The following TMEM132D variants were observed in gnomAD, a reference collection of about 807,000 sequenced individuals.
TMEM132D encodes mature OL transmembrane protein.
In TMEM132D, 21 loss-of-function variants were observed where a neutral mutation model predicts 62.3. That is an observed-to-expected ratio of 0.34 (90% CI 0.24 to 0.49). The LOEUF (loss-of-function observed/expected upper bound fraction) is 0.49. Ranked by LOEUF, TMEM132D falls within the 20% of genes least tolerant of loss-of-function variation. The pLI is 0.99. For synonymous variants in TMEM132D, 621 were observed against 575.6 expected, an observed-to-expected ratio of 1.08 and a Z score of -1.13; for missense variants, 1,346 against 1,402.8, an observed-to-expected ratio of 0.96 and a Z score of 0.65.
chr12:129,482,527 A>G (rs1874458816), intron 3 of TMEM132D, among the ~76,000 whole-genome samples: 2 of 152,244 alleles, frequency 1.3e-5, no homozygotes, highest in African/African-American at 4.8e-5. Flanking sequence ...GGTTGTTGAC[A>G]CCATATTAGG....
intron 2 of TMEM132D, among the ~76,000 whole-genome samples, chr12:129,554,968 C>T (rs539680104): frequency 6.6e-6 from 1 of 152,270 alleles, no homozygotes; most frequent in South Asian, 2.1e-4. Flanking sequence ...CTCTTCTAGC[C>T]CTACTGTGGC....
At chr12:129,601,961 A>G (rs1390463441) in intron 2 of TMEM132D, among the ~76,000 whole-genome samples, 1 of 152,226 alleles carries the variant, frequency 6.6e-6, no homozygotes, top group Non-Finnish European at 1.5e-5. Context: ...TATCAAAAAA[A>G]AAATCTGCAA....
chr12:129,715,914 G>A (rs1331185850), intron 1 of TMEM132D, among the ~76,000 whole-genome samples: 2 of 152,148 alleles, frequency 1.3e-5, no homozygotes, highest in East Asian at 3.9e-4. Context: ...TACCCACTGG[G>A]GCCCATCAGG....
intron 4 of TMEM132D, among the ~76,000 whole-genome samples, chr12:129,296,405 C>T (rs979185950): frequency 2.6e-5 from 4 of 152,200 alleles, no homozygotes; most frequent in Non-Finnish European, 5.9e-5. Flanking sequence ...AGAGTTATCA[C>T]CCCGGTTACT....
chr12:129,189,043 A>G (rs1878307760), intron 5 of TMEM132D, among the ~76,000 whole-genome samples: 1 of 151,684 alleles, frequency 6.6e-6, no homozygotes, highest in Admixed American at 6.6e-5. Context: ...CAACAAGGTC[A>G]ACAAAAAAGT....
At chr12:129,850,760 A>G (rs1051387631) in intron 1 of TMEM132D, among the ~76,000 whole-genome samples, 2 of 152,244 alleles carry the variant, frequency 1.3e-5, no homozygotes, top group Non-Finnish European at 2.9e-5. Context: ...AGCTGAGGCT[A>G]CATGTTTAGC....
chr12:129,698,453 G>A (rs937519813), intron 2 of TMEM132D, among the ~76,000 whole-genome samples: 3 of 143,880 alleles, frequency 2.1e-5, no homozygotes, highest in African/African-American at 5.2e-5. Flanking sequence ...ACTTAAATGT[G>A]CAAGGTAGAA....
chr12:129,448,923 A>G (rs941963059), intron 3 of TMEM132D, among the ~76,000 whole-genome samples: 2 of 152,226 alleles, frequency 1.3e-5, no homozygotes, highest in Non-Finnish European at 2.9e-5. Context: ...ATATTTTTAA[A>G]TGCTCAAAAG....
chr12:129,591,022 A>T (rs911855273), intron 2 of TMEM132D, among the ~76,000 whole-genome samples: 1 of 152,228 alleles, frequency 6.6e-6, no homozygotes, highest in Non-Finnish European at 1.5e-5. Context: ...AGAGAAAAGA[A>T]AGAAAAAGAA....
intron 2 of TMEM132D, among the ~76,000 whole-genome samples, chr12:129,611,779 G>T (rs554353056): frequency 6.6e-6 from 1 of 152,272 alleles, no homozygotes; most frequent in Admixed American, 6.5e-5. Context: ...TCATCTTGTG[G>T]CCTCAGCCCA....
intron 2 of TMEM132D, among the ~76,000 whole-genome samples, chr12:129,691,391 A>G (rs1881057125): frequency 6.6e-6 from 1 of 152,016 alleles, no homozygotes; most frequent in African/African-American, 2.4e-5. Context: ...TACAAAACCA[A>G]ATGTTAATTC....
intron 4 of TMEM132D, among the ~76,000 whole-genome samples, chr12:129,210,689 C>T (rs1191321169): frequency 1.3e-5 from 2 of 152,184 alleles, no homozygotes; most frequent in Non-Finnish European, 2.9e-5. Flanking sequence ...GCTGTATCTG[C>T]TTTCTGCTCA....
chr12:129,762,678 T>C (rs2137276381), intron 1 of TMEM132D, among the ~76,000 whole-genome samples: 1 of 152,308 alleles, frequency 6.6e-6, no homozygotes, highest in East Asian at 1.9e-4. Context: ...ACATGGAACC[T>C]GGCCCGGTTC....
intron 3 of TMEM132D, among the ~76,000 whole-genome samples, chr12:129,423,292 C>A (rs1433134329): frequency 2.0e-5 from 3 of 152,102 alleles, no homozygotes; most frequent in Non-Finnish European, 1.5e-5. Flanking sequence ...AAACAGTGCT[C>A]TGCAAACTAG....
At chr12:129,190,065 C>CGGCCTGCAGATGGAGGGAGGGGTCTCA (rs1565992234) in intron 5 of TMEM132D, among the ~76,000 whole-genome samples, 8 of 149,684 alleles carry the variant, frequency 5.3e-5, no homozygotes, top group Non-Finnish European at 1.0e-4. Flanking sequence ...GGTCTTGGGA[C>CGGCCTGCAGATGGAGGGAGGGGTCTCA]GGCCTGCAGA....
intron 2 of TMEM132D, among the ~76,000 whole-genome samples, chr12:129,644,705 G>C (rs967316509): frequency 2.0e-5 from 3 of 152,028 alleles, no homozygotes; most frequent in East Asian, 3.9e-4. Flanking sequence ...TGGGCCAGGA[G>C]CAGTGGCTCA....
chr12:129,451,039 G>A (rs1873269165), intron 3 of TMEM132D, among the ~76,000 whole-genome samples: 1 of 152,068 alleles, frequency 6.6e-6, no homozygotes, highest in Non-Finnish European at 1.5e-5. Context: ...TGGGATTACA[G>A]GCGTGAGCCA....
At chr12:129,746,468 A>C (rs1869782756) in intron 1 of TMEM132D, among the ~76,000 whole-genome samples, 1 of 152,178 alleles carries the variant, frequency 6.6e-6, no homozygotes, top group South Asian at 2.1e-4. Context: ...GGATATCATC[A>C]GATTTAAAAT....
At chr12:129,689,459 G>A (rs1881011177) in intron 2 of TMEM132D, among the ~76,000 whole-genome samples, 1 of 152,170 alleles carries the variant, frequency 6.6e-6, no homozygotes, top group Non-Finnish European at 1.5e-5. Flanking sequence ...GTGAACACAA[G>A]CATGTCATGT....
Sources: allele counts gnomAD v4.1 joint callset (sites outside exome capture counted in the v4.1 genomes callset), GRCh38; gene constraint gnomAD v4.1.1; transcripts MANE v1.5; gene names NCBI Gene and HGNC (gene_info 2026-07-23, HGNC 2026-07-21).